Variants in UGT1A1 observed in about 807,000 individuals in gnomAD.
UGT1A1 encodes UDP glucuronosyltransferase family 1 member A1.
A neutral mutation model predicts 40.6 loss-of-function variants in UGT1A1; 33 were observed. The ratio of observed to expected loss-of-function variants is 0.81; its 90% CI spans 0.62 to 1.09. The LOEUF (loss-of-function observed/expected upper bound fraction) is 1.09, where lower values mean the gene tolerates loss of function less well. Among genes scored for constraint, UGT1A1 ranks in the 50% least tolerant of loss-of-function variants. The pLI, the probability that UGT1A1 is intolerant of heterozygous loss-of-function variation, is 0.00. For missense variants in UGT1A1, 694 were observed against 671.2 expected (o/e 1.03, Z -0.38); for synonymous variants, 249 against 265.0 (o/e 0.94, Z 0.59).
intron 2 of UGT1A1, 29 bp downstream of exon 2, chr2:233,767,194 A>C (rs746011204): frequency 1.9e-6 from 3 of 1,613,774 alleles, no homozygotes; most frequent in Non-Finnish European, 2.5e-6. Flanking sequence ...ATGGCCTCAT[A>C]TCTATTTTCA....
chr2:233,766,851 A>G (rs1202142571), intron 1 of UGT1A1, among the ~76,000 whole-genome samples, 183 bp from the exon 2 acceptor site: 1 of 152,234 alleles, frequency 6.6e-6, no homozygotes, highest in Non-Finnish European at 1.5e-5. Flanking sequence ...TTCCTCCTTT[A>G]GAAGGAAGTA....
In UGT1A1 at chr2:233,760,439, A is replaced by C. The variant is rs1697446829; in HGVS notation, c.152A>C (p.Gln51Pro). ...LSMLGAIQQL[Q>P]QRGHEIVVLA... ...ATGCTTGGGGCCATCCAGCAGCTGC[A>C]GCAGAGGGGACATGAAATAGTTGTC... Residue 51 changes from glutamine (Q) to proline (P), a missense_variant, in exon 1 of 5, where the codon CAG (glutamine) becomes CCG (proline). By Grantham distance (76) the Gln-to-Pro change is moderately conservative (BLOSUM62 -1). Transcript: ENST00000305208. 6.2e-7 allele frequency: 1 copy of C among 1,614,254 alleles called. No individual in the cohort carries two copies. The highest frequency in any genetic ancestry group is 1.7e-5 in the Admixed American group (1 of 60,030).
At chr2:233,770,449 T>A (rs1700082466) in intron 4 of UGT1A1, 1 of 151,928 alleles carries the variant, frequency 6.6e-6, no homozygotes, top group Non-Finnish European at 1.5e-5. Flanking sequence ...AGGTTAGGAG[T>A]TCGAAACCAA....
In UGT1A1 at chr2:233,767,846, C is replaced by G. The variant is rs1699507381; in HGVS notation, c.997-3C>G. The G allele has an allele frequency of 6.2e-7, 1 of 1,614,014 alleles. No individual in the cohort carries two copies. Among genetic ancestry groups the G allele is most frequent in the Non-Finnish European group, 8.5e-7 (1 of 1,180,026 alleles). ...TACGTTCTGCTCTTTTTGCCCCTCC[C>G]AGGTCCTGTGGCGGTACACTGGAAC... On this transcript the variant is annotated splice_region_variant and splice_polypyrimidine_tract_variant and intron_variant, in intron 2 of 4. Coordinates refer to ENST00000305208, the MANE Select transcript of UGT1A1 (RefSeq NM_000463.3).
In UGT1A1 at chr2:233,769,673, G is replaced by A; in HGVS notation, c.1304+1234G>A. 1.3e-6 allele frequency: 2 copies of A among 1,580,578 alleles called. No individual in the cohort carries two copies. The highest frequency in any genetic ancestry group is 1.1e-5 in the South Asian group (1 of 86,980). On this transcript the variant is annotated intron_variant, in intron 4 of 4. Transcript: ENST00000305208. The surrounding 1 kb of genome is among the most constrained non-coding windows in gnomAD (Gnocchi z 4.4). ...GACTTCCCACCTTTGAGGTGCTAAT[G>A]TGTGTGTGGTGGCACTGGATAAAAG...
At position 233,769,343 on chromosome 2, in the gene UGT1A1, T is replaced by C. The variant is rs950579425; in HGVS notation, c.1304+904T>C. On this transcript the variant is annotated intron_variant, in intron 4 of 4. Coordinates refer to ENST00000305208, the MANE Select transcript of UGT1A1 (RefSeq NM_000463.3). The surrounding 1 kb of genome is among the most constrained non-coding windows in gnomAD (Gnocchi z 4.4). ...TGGTAATAGGCTTATTAGAACCTTA[T>C]GGGAAGAAGTGGTGGCCAGTGGTAG... Among the ~76,000 whole-genome samples the C allele has an allele frequency of 6.6e-6, 1 of 152,250 alleles. No individual in the cohort carries two copies. The highest frequency in any genetic ancestry group is 2.4e-5 in the African/African-American group (1 of 41,464).
At position 233,772,787 on chromosome 2, in the gene UGT1A1, A is replaced by T; in HGVS notation, c.*228A>T. The T allele has an allele frequency of 4.0e-6, 5 of 1,249,376 alleles. No individual in the cohort carries two copies. Among genetic ancestry groups the T allele is most frequent in the Non-Finnish European group, 4.2e-6 (4 of 942,894 alleles). The allele number at this position is 1,249,376 out of a possible 1,614,324, so 77.4% of individuals were successfully genotyped here. A position where few individuals can be genotyped will look rare whatever the true frequency, so the allele number is the denominator to read the frequency against. The stretch of plus-strand genomic sequence containing the variant: ...GCCCCCTCTGGTGTCTTTGATCAGG[A>T]TGACATGTGCCATTTTTCAGAGGAC... On this transcript the variant is annotated 3_prime_UTR_variant, in exon 5 of 5. Coordinates refer to ENST00000305208, the MANE Select transcript of UGT1A1 (RefSeq NM_000463.3).
Position 233,768,326 on chromosome 2 carries a change from G to A in UGT1A1, c.1191G>A (p.Gln397=), listed in dbSNP as rs1299905562. ...PMVMMPLFGD[Q]MDNAKRMETK... ...TGATGATGCCCTTGTTTGGTGATCAGATGGACAATGCAAAGCGCATGGAGA... is the reference window on the plus strand; with the variant it reads ...TGATGATGCCCTTGTTTGGTGATCAAATGGACAATGCAAAGCGCATGGAGA... The change falls in exon 4 of 5, where the codon CAG becomes CAA. Residue 397 remains glutamine (Q), a synonymous_variant. Transcript: ENST00000305208. 6.2e-7 allele frequency: 1 copy of A among 1,614,204 alleles called. No homozygotes were observed. The highest frequency in any genetic ancestry group is 1.3e-5 in the African/African-American group (1 of 75,056).
In UGT1A1 at chr2:233,760,982, C is replaced by T. The variant is rs147640261; in HGVS notation, c.695C>T (p.Thr232Ile). 3.1e-6 allele frequency: 5 copies of T among 1,614,220 alleles called. No homozygotes were observed. The highest frequency in any genetic ancestry group is 4.2e-6 in the Non-Finnish European group (5 of 1,180,046). Residue 232 changes from threonine (T) to isoleucine (I), a missense_variant, in exon 1 of 5, where the codon ACC becomes ATC. By Grantham distance (89) the Thr-to-Ile change is moderately conservative (BLOSUM62 -1). Transcript: ENST00000305208. ...GACGTGGTTTATTCCCCGTATGCAA[C>T]CCTTGCCTCAGAATTCCTTCAGAGA... ...LCDVVYSPYA[T>I]LASEFLQREV...
chr2:233,771,170 G>A (rs1309098130), intron 4 of UGT1A1: 1 of 152,100 alleles, frequency 6.6e-6, no homozygotes, highest in African/African-American at 2.4e-5. Flanking sequence ...CCAGCACTGG[G>A]GATTACAATT....
intron 1 of UGT1A1, among the ~76,000 whole-genome samples, chr2:233,766,371 C>T (rs997095711): frequency 1.3e-5 from 2 of 152,154 alleles, no homozygotes; most frequent in Non-Finnish European, 2.9e-5. Context: ...TTGGTGAGTT[C>T]TTCTCAATGT....
Position 233,772,318 on chromosome 2 carries a change from C to G in UGT1A1, c.1361C>G (p.Pro454Arg). The change falls in exon 5 of 5, where the codon CCG (proline) becomes CGG (arginine). Residue 454 changes from proline to arginine, a missense_variant. Physicochemically the swap from Pro to Arg is moderately radical, Grantham distance 103. Coordinates refer to ENST00000305208, the MANE Select transcript of UGT1A1 (RefSeq NM_000463.3). ...CTTCACAAGGACCGCCCGGTGGAGC[C>G]GCTGGACCTGGCCGTGTTCTGGGTG... The part of the protein sequence containing the change: ...SSLHKDRPVE[P>R]LDLAVFWVEF... 1 of 1,614,230 alleles carries G rather than the reference C, an allele frequency of 6.2e-7. No individual in the cohort carries two copies.
chr2:233,760,808 C>T lies in UGT1A1; in HGVS notation c.521C>T (p.Ala174Val). 3 of 1,613,442 alleles carry T rather than the reference C, an allele frequency of 1.9e-6. No homozygotes were observed. Among genetic ancestry groups the T allele is most frequent in the Non-Finnish European group, 2.5e-6 (3 of 1,179,440 alleles). Residue 174 changes from alanine (A) to valine (V), a missense_variant, in exon 1 of 5, where the codon GCA (alanine) becomes GTA (valine). Transcript: ENST00000305208. ...LSLPTVFFLH[A>V]LPCSLEFEAT... ...CTGCCCACTGTATTCTTCTTGCATG[C>T]ACTGCCATGCAGCCTGGAATTTGAG...
At chr2:233,766,998 GA>G in intron 1 of UGT1A1, 35 bp from the exon 2 acceptor site, 1 of 1,613,532 alleles carries the variant, frequency 6.2e-7, no homozygotes, top group South Asian at 1.1e-5. Context: ...AAGAATATGA[GA>G]AAAAATTAAC....
At position 233,769,409 on chromosome 2, in the gene UGT1A1, G is replaced by T; in HGVS notation, c.1304+970G>T. The T allele has an allele frequency of 7.6e-7, 1 of 1,316,726 alleles. No individual in the cohort carries two copies. Among genetic ancestry groups the T allele is most frequent in the South Asian group, 1.3e-5 (1 of 78,812 alleles). 81.6% of individuals were successfully genotyped at this position (1,316,726 alleles called of 1,614,324 possible). A position where few individuals can be genotyped will look rare whatever the true frequency, so the allele number is the denominator to read the frequency against. On this transcript the variant is annotated intron_variant, in intron 4 of 4. Transcript: ENST00000305208. The surrounding 1 kb of genome is among the most constrained non-coding windows in gnomAD (Gnocchi z 4.4). The stretch of plus-strand genomic sequence containing the variant: ...AGATACTGTGTGCATATGTGCGTGT[G>T]CGTTTGTGCATGTGGCTGTGCTCAT...
chr2:233,766,948 G>A, intron 1 of UGT1A1, 86 bp from the exon 2 acceptor site: 1 of 1,599,792 alleles, frequency 6.3e-7, no homozygotes, highest in Non-Finnish European at 8.5e-7. Context: ...AGTCTTAAGA[G>A]GAAGATATCT....
chr2:233,766,884 A>C, intron 1 of UGT1A1, 150 bp from the exon 2 acceptor site: 4 of 1,457,402 alleles, frequency 2.7e-6, no homozygotes, highest in Non-Finnish European at 3.6e-6. Context: ...ATGCTGTAAA[A>C]CTTACATATT....
In UGT1A1 at chr2:233,760,433, A is replaced by G. The variant is rs771774728; in HGVS notation, c.146A>G (p.Gln49Arg). 1 of 1,614,234 alleles carries G rather than the reference A, an allele frequency of 6.2e-7. No individual in the cohort carries two copies. The highest frequency in any genetic ancestry group is 8.5e-7 in the Non-Finnish European group (1 of 1,180,036). ...HWLSMLGAIQ[Q>R]LQQRGHEIVV... ...CTGAGCATGCTTGGGGCCATCCAGC[A>G]GCTGCAGCAGAGGGGACATGAAATA... The change falls in exon 1 of 5, where the codon CAG becomes CGG. Residue 49 changes from glutamine (Q) to arginine (R), a missense_variant. Physicochemically the swap from Gln to Arg is conservative, Grantham distance 43. Transcript: ENST00000305208.
intron 2 of UGT1A1, 57 bp from the exon 3 acceptor site, chr2:233,767,792 T>G (rs1011366406): frequency 1.2e-6 from 2 of 1,613,950 alleles, no homozygotes; most frequent in African/African-American, 1.3e-5. Context: ...ATAGCAGATT[T>G]GTTTTCTAAT....
Sources: gnomAD v4.1 joint callset for allele counts (sites outside exome capture counted in the v4.1 genomes callset) on GRCh38, gnomAD v4.1.1 for gene constraint, Gnocchi (gnomAD v3.1) non-coding constraint, MANE v1.5 for transcripts, NCBI Gene and HGNC (gene_info 2026-07-23, HGNC 2026-07-21) for gene names.